Variants in SZRD1 observed in about 807,000 individuals in gnomAD.
SZRD1 encodes the protein SUZ RNA-binding domain-containing.
In SZRD1, 7 loss-of-function variants were observed where a neutral mutation model predicts 17.6. That is an observed-to-expected ratio of 0.40 (90% CI 0.23 to 0.75). SZRD1 has a LOEUF of 0.75. Ranked by LOEUF, SZRD1 falls within the 30% of genes least tolerant of loss-of-function variation. The pLI is 0.38. For synonymous variants in SZRD1, 77 were observed against 77.9 expected (o/e 0.99, Z 0.06); for missense variants, 178 against 201.8 (o/e 0.88, Z 0.71).
chr1:16,396,406 C>G lies in SZRD1; in HGVS notation c.*1266C>G, dbSNP rs1289976701. ...GCAAAGATTGATGACAGACTGGTTC[C>G]TCAGAGGCCTAGGCTACCCGTCACC... On this transcript the variant is annotated 3_prime_UTR_variant, in exon 4 of 4. Coordinates refer to ENST00000401088, the MANE Select transcript of SZRD1 (RefSeq NM_001114600.3). The G allele has an allele frequency of 1.3e-5, 2 of 152,186 alleles. No individual in the cohort carries two copies. Among genetic ancestry groups the G allele is most frequent in the Non-Finnish European group, 2.9e-5 (2 of 68,048 alleles). The allele number at this position is 152,186 out of a possible 1,614,324, so 9.4% of individuals were successfully genotyped here. A position where few individuals can be genotyped will look rare whatever the true frequency, so the allele number is the denominator to read the frequency against.
intron 1 of SZRD1, among the ~76,000 whole-genome samples, chr1:16,388,058 T>C (rs2085156016): frequency 6.6e-6 from 1 of 152,200 alleles, no homozygotes. Context: ...GTTTCCATTT[T>C]AGTGCCTTTC....
In SZRD1 at chr1:16,391,330, TGA is replaced by T; in HGVS notation, c.52-38_52-37del. The T allele has an allele frequency of 7.2e-7, 1 of 1,398,096 alleles. No individual in the cohort carries two copies. Among genetic ancestry groups the T allele is most frequent in the Non-Finnish European group, 9.9e-7 (1 of 1,010,730 alleles). The allele number at this position is 1,398,096 out of a possible 1,614,324, so 86.6% of individuals were successfully genotyped here. ...CAAAAATAAAGACTAAGTTTTTATTTGAGAGAGATTTTTTCCTCTTTTTATAT... is the reference window on the plus strand; with the variant it reads ...CAAAAATAAAGACTAAGTTTTTATTTGAGAGATTTTTTCCTCTTTTTATAT... On this transcript the variant is annotated intron_variant, in intron 1 of 3. Coordinates refer to ENST00000401088, the MANE Select transcript of SZRD1 (RefSeq NM_001114600.3). The surrounding 1 kb of genome is among the most constrained non-coding windows in gnomAD (Gnocchi z 4.3).
chr1:16,373,445 G>T (rs2082945316), intron 1 of SZRD1, among the ~76,000 whole-genome samples: 1 of 143,396 alleles, frequency 7.0e-6, no homozygotes. Flanking sequence ...CAGGTGTGGT[G>T]GTGCCTGCTT....
At chr1:16,385,458 T>C (rs1169246845) in intron 1 of SZRD1, among the ~76,000 whole-genome samples, 1 of 152,198 alleles carries the variant, frequency 6.6e-6, no homozygotes, top group South Asian at 2.1e-4. Context: ...GGTACAACTG[T>C]AATGGTGCTT....
intron 1 of SZRD1, chr1:16,387,297 A>C (rs546447550): frequency 1.8e-4 from 83 of 456,352 alleles, no homozygotes; most frequent in Non-Finnish European, 3.4e-4. Context: ...CATCTTCCTT[A>C]AACCCTAGAG....
At position 16,395,626 on chromosome 1, in the gene SZRD1, T is replaced by G. The variant is rs2085298611; in HGVS notation, c.*486T>G. The G allele has an allele frequency of 6.2e-6, 1 of 160,718 alleles. No homozygotes were observed. The highest frequency in any genetic ancestry group is 1.6e-4 in the South Asian group (1 of 6,076). 10.0% of individuals were successfully genotyped at this position (160,718 alleles called of 1,614,324 possible). On this transcript the variant is annotated 3_prime_UTR_variant, in exon 4 of 4. Transcript: ENST00000401088. ...CTTTCTTTTTTTTTTCTTCCTATTT[T>G]TGTTTGTTTATACAAATATCTGATT... is the stretch of plus-strand genomic sequence containing the variant.
chr1:16,384,397 A>G (rs1282107021), intron 1 of SZRD1, among the ~76,000 whole-genome samples: 1 of 152,028 alleles, frequency 6.6e-6, no homozygotes, highest in Non-Finnish European at 1.5e-5. Flanking sequence ...AAAAAGGGAA[A>G]AAGAAATGGC....
At chr1:16,384,799 C>T (rs1430782061) in intron 1 of SZRD1, among the ~76,000 whole-genome samples, 6 of 152,066 alleles carry the variant, frequency 3.9e-5, no homozygotes, top group African/African-American at 9.7e-5. Context: ...CCTGTGGGAC[C>T]CTGATTCTGG....
intron 1 of SZRD1, among the ~76,000 whole-genome samples, chr1:16,382,330 G>A (rs1257494609): frequency 6.6e-6 from 1 of 151,226 alleles, no homozygotes; most frequent in African/African-American, 2.4e-5. Context: ...TGGGACTACA[G>A]GTGCACGCCA....
intron 1 of SZRD1, among the ~76,000 whole-genome samples, chr1:16,390,394 C>T (rs375102891): frequency 1.1e-4 from 16 of 152,282 alleles, no homozygotes; most frequent in African/African-American, 2.9e-4. Flanking sequence ...GAGGCCAGGG[C>T]GTGTTGGAAG....
intron 1 of SZRD1, among the ~76,000 whole-genome samples, chr1:16,368,414 A>G (rs2082859112): frequency 6.6e-6 from 1 of 152,108 alleles, no homozygotes; most frequent in Non-Finnish European, 1.5e-5. Context: ...CAGTGGGTGT[A>G]TCTAGCTCTA....
chr1:16,390,322 G>A (rs1357533542), intron 1 of SZRD1, among the ~76,000 whole-genome samples: 1 of 152,220 alleles, frequency 6.6e-6, no homozygotes, highest in African/African-American at 2.4e-5. Flanking sequence ...GCATGCTGGT[G>A]CTGATGGGCT....
intron 1 of SZRD1, among the ~76,000 whole-genome samples, chr1:16,372,244 G>T (rs893657420): frequency 6.6e-6 from 1 of 152,004 alleles, no homozygotes; most frequent in African/African-American, 2.4e-5. Context: ...AGGCTGAGGC[G>T]GGCAGATCAC....
At chr1:16,369,194 A>G (rs924146766) in intron 1 of SZRD1, 8 of 488,494 alleles carry the variant, frequency 1.6e-5, no homozygotes, top group Non-Finnish European at 2.9e-5. Context: ...ATCTGGAAGT[A>G]ACATAATTTG....
At position 16,376,133 on chromosome 1, in the gene SZRD1, G is replaced by C. The variant is rs542847483; in HGVS notation, c.51+8825G>C. ...GTGTAGGTGCTATTATTCCTGGTCCGGGGAGGAAATCATGTGGTCGGTCCA... is the reference window on the plus strand; with the variant it reads ...GTGTAGGTGCTATTATTCCTGGTCCCGGGAGGAAATCATGTGGTCGGTCCA... On this transcript the variant is annotated intron_variant, in intron 1 of 3. Coordinates refer to ENST00000401088, the MANE Select transcript of SZRD1 (RefSeq NM_001114600.3). Among the ~76,000 whole-genome samples, 422 of 152,294 alleles carry C rather than the reference G, an allele frequency of 2.8e-3. 1 individual carries two copies. Among genetic ancestry groups the C allele is most frequent in the Non-Finnish European group, 5.2e-3 (356 of 68,032 alleles).
In SZRD1 at chr1:16,392,224, G is replaced by A. The variant is rs182482015; in HGVS notation, c.101+800G>A. 1.2e-3 allele frequency among the ~76,000 whole-genome samples: 189 copies of A among 152,268 alleles called. 1 individual carries two copies. The highest frequency in any genetic ancestry group is 1.2e-3 in the Non-Finnish European group (85 of 68,024). On this transcript the variant is annotated intron_variant, in intron 2 of 3. Coordinates refer to ENST00000401088, the MANE Select transcript of SZRD1 (RefSeq NM_001114600.3). ...TCCATACCATTTGTGTCCTACCCGA[G>A]ACTTGTTTCCATCCACCCTGGCTCA...
At chr1:16,367,378 G>A (rs2082838037) in intron 1 of SZRD1, 70 bp downstream of exon 1, 2 of 1,436,746 alleles carry the variant, frequency 1.4e-6, no homozygotes, top group East Asian at 2.5e-5. Flanking sequence ...CCGGGGAGCG[G>A]GTCTGGAGAT....
At chr1:16,382,118 C>T (rs996345535) in intron 1 of SZRD1, among the ~76,000 whole-genome samples, 2 of 151,856 alleles carry the variant, frequency 1.3e-5, no homozygotes, top group East Asian at 1.9e-4. Context: ...AGTAGAGACC[C>T]GTAGGCCAAG....
At chr1:16,367,419 G>A (rs1349003992) in intron 1 of SZRD1, 111 bp downstream of exon 1, 2 of 1,078,440 alleles carry the variant, frequency 1.9e-6, no homozygotes, top group East Asian at 5.6e-5. Flanking sequence ...CCCATACGCC[G>A]GGCTGGGGGT....
Sources: gnomAD v4.1 joint callset for allele counts (sites outside exome capture counted in the v4.1 genomes callset) on GRCh38, gnomAD v4.1.1 for gene constraint, Gnocchi (gnomAD v3.1) non-coding constraint, MANE v1.5 for transcripts, NCBI Gene and HGNC (gene_info 2026-07-23, HGNC 2026-07-21) for gene names.